PLPPR5: variants seen among roughly 807,000 people sequenced by gnomAD.
The protein encoded by PLPPR5 is phospholipid phosphatase-related protein type 5.
In PLPPR5, 16 loss-of-function variants were observed where a neutral mutation model predicts 33.9. The observed-to-expected ratio is 0.47, with a 90% CI of 0.32 to 0.72. The LOEUF (loss-of-function observed/expected upper bound fraction) is 0.72, where lower values mean the gene tolerates loss of function less well. Among genes scored for constraint, PLPPR5 ranks in the 30% least tolerant of loss-of-function variants. The pLI is 0.03. For missense variants in PLPPR5, 301 were observed against 406.7 expected, an observed-to-expected ratio of 0.74 and a Z score of 2.23; for synonymous variants, 163 against 150.3, an observed-to-expected ratio of 1.08 and a Z score of -0.62.
intron 1 of PLPPR5, among the ~76,000 whole-genome samples, chr1:99,001,687 T>TATATATATATAG (rs1448004678): frequency 7.7e-5 from 11 of 143,760 alleles, no homozygotes. Flanking sequence ...TATATATATA[T>TATATATATATAG]ATATATATAT....
At position 99,004,744 on chromosome 1, in the gene PLPPR5, G is replaced by A; in HGVS notation, c.-73C>T. ...CGGTGGGCCCCCTCCCCGGTCCGCC[G>A]AGGCAGCCACCGGGGGCGCGGCGGC... On this transcript the variant is annotated 5_prime_UTR_variant, in exon 1 of 6. Transcript: ENST00000263177. 1 of 1,053,792 alleles carries A rather than the reference G, an allele frequency of 9.5e-7. No individual in the cohort carries two copies. The highest frequency in any genetic ancestry group is 1.2e-6 in the Non-Finnish European group (1 of 819,808). The allele number at this position is 1,053,792 out of a possible 1,614,324, so 65.3% of individuals were successfully genotyped here.
At chr1:98,934,932 T>A (rs1650120590) in intron 3 of PLPPR5, among the ~76,000 whole-genome samples, 1 of 152,062 alleles carries the variant, frequency 6.6e-6, no homozygotes, top group African/African-American at 2.4e-5. Flanking sequence ...TGTGAAACAC[T>A]TTATGGTTCA....
chr1:98,899,365 C>A (rs1648601027), intron 5 of PLPPR5, among the ~76,000 whole-genome samples: 1 of 152,172 alleles, frequency 6.6e-6, no homozygotes, highest in Non-Finnish European at 1.5e-5. Context: ...GCAAGTGCCA[C>A]AAGCAATGGA....
chr1:98,902,688 G>C (rs1056394241), intron 5 of PLPPR5, among the ~76,000 whole-genome samples: 2 of 152,082 alleles, frequency 1.3e-5, no homozygotes, highest in African/African-American at 4.8e-5. Flanking sequence ...AAAAAAGAGG[G>C]AGATGAACGG....
At chr1:98,924,701 C>T (rs139984150) in intron 3 of PLPPR5, among the ~76,000 whole-genome samples, 306 of 152,292 alleles carry the variant, frequency 2.0e-3, no homozygotes, top group African/African-American at 6.6e-3. Context: ...GCTTGGGCTA[C>T]ATCCCTGTGA....
At chr1:98,955,486 T>C (rs1275747122) in intron 2 of PLPPR5, among the ~76,000 whole-genome samples, 2 of 152,078 alleles carry the variant, frequency 1.3e-5, no homozygotes, top group Admixed American at 1.3e-4. Context: ...TTGATACATG[T>C]GAAAAAATAA....
At chr1:98,946,593 C>T (rs901030137) in intron 3 of PLPPR5, among the ~76,000 whole-genome samples, 1 of 152,120 alleles carries the variant, frequency 6.6e-6, no homozygotes, top group African/African-American at 2.4e-5. Flanking sequence ...AAATCATGTC[C>T]ATCTCCAAGA....
chr1:98,953,465 G>T, intron 2 of PLPPR5, 145 bp from the exon 3 acceptor site: 1 of 1,267,268 alleles, frequency 7.9e-7, no homozygotes, highest in Non-Finnish European at 1.1e-6. Context: ...CATATACATA[G>T]TTCCTTTTAT....
chr1:98,932,211 A>AT (rs1188765868), intron 3 of PLPPR5, among the ~76,000 whole-genome samples: 2 of 152,204 alleles, frequency 1.3e-5, no homozygotes, highest in Non-Finnish European at 2.9e-5. Flanking sequence ...ACTGTACCTC[A>AT]TGGTAGTCCA....
chr1:98,950,495 C>A (rs1258447255), intron 3 of PLPPR5, among the ~76,000 whole-genome samples: 1 of 152,112 alleles, frequency 6.6e-6, no homozygotes, highest in Admixed American at 6.6e-5. Flanking sequence ...GGCCAGTAGA[C>A]TGGAGCAAGA....
chr1:98,922,849 G>C (rs559971636), intron 3 of PLPPR5, among the ~76,000 whole-genome samples: 10 of 152,206 alleles, frequency 6.6e-5, no homozygotes, highest in African/African-American at 2.4e-4. Flanking sequence ...GCTGGGCGTG[G>C]TGGCGGGCAC....
At chr1:98,952,939 G>T in intron 3 of PLPPR5, 131 bp downstream of exon 3, 1 of 1,104,658 alleles carries the variant, frequency 9.1e-7, no homozygotes, top group Non-Finnish European at 1.3e-6. Flanking sequence ...ATTAAAAATA[G>T]ATTAAATGGC....
chr1:98,910,272 G>A (rs1484384337), intron 5 of PLPPR5, among the ~76,000 whole-genome samples: 6 of 152,230 alleles, frequency 3.9e-5, no homozygotes, highest in Admixed American at 3.9e-4. Context: ...AACGTCTAAT[G>A]TCACTCTCCA....
chr1:98,934,093 C>T (rs951712703), intron 3 of PLPPR5, among the ~76,000 whole-genome samples: 6 of 152,126 alleles, frequency 3.9e-5, no homozygotes, highest in African/African-American at 1.4e-4. Context: ...GAAGTTGGAA[C>T]CAGAAGGCAG....
chr1:98,903,948 A>C (rs11805315), intron 5 of PLPPR5, among the ~76,000 whole-genome samples: 3,532 of 152,242 alleles, frequency 0.023, 131 homozygotes, highest in African/African-American at 0.08. Context: ...TCTACAAAAG[A>C]GTCAATCAAT....
At chr1:98,900,056 C>G (rs1450469484) in intron 5 of PLPPR5, among the ~76,000 whole-genome samples, 1 of 152,050 alleles carries the variant, frequency 6.6e-6, no homozygotes, top group Non-Finnish European at 1.5e-5. Context: ...TGTAAAATCC[C>G]AACTTAACTC....
chr1:98,958,415 T>C, intron 1 of PLPPR5, among the ~76,000 whole-genome samples: 1 of 152,154 alleles, frequency 6.6e-6, no homozygotes, highest in East Asian at 1.9e-4. Flanking sequence ...AACTATACTT[T>C]TTTTTCAAGT....
intron 1 of PLPPR5, among the ~76,000 whole-genome samples, chr1:98,976,138 C>G (rs1651844782): frequency 6.9e-6 from 1 of 143,908 alleles, no homozygotes; most frequent in African/African-American, 2.5e-5. Context: ...CATGAATAAC[C>G]TTTCTCAAAC....
chr1:98,985,823 A>T (rs534762938), intron 1 of PLPPR5, among the ~76,000 whole-genome samples: 1 of 152,190 alleles, frequency 6.6e-6, no homozygotes, highest in South Asian at 2.1e-4. Flanking sequence ...ACATTATGCC[A>T]TTTAGGTTTG....
Sources: gnomAD v4.1 joint callset for allele counts (sites outside exome capture counted in the v4.1 genomes callset) on GRCh38, gnomAD v4.1.1 for gene constraint, MANE v1.5 for transcripts, NCBI Gene and HGNC (gene_info 2026-07-23, HGNC 2026-07-21) for gene names.